Variants in KRTCAP3 observed in about 807,000 individuals in gnomAD.
The protein encoded by KRTCAP3 is keratinocyte associated protein 3.
In KRTCAP3, 18 loss-of-function variants were observed where a neutral mutation model predicts 20.5. The observed-to-expected ratio is 0.88, with a 90% CI of 0.61 to 1.31. The LOEUF (loss-of-function observed/expected upper bound fraction) is 1.31. Ranked by LOEUF, KRTCAP3 falls within the 50% of genes most tolerant of loss-of-function variation. The probability of loss-of-function intolerance (pLI) is 0.00; values close to 1 mark genes in which losing one functional copy is unlikely to be tolerated. For synonymous variants in KRTCAP3, 167 were observed against 133.7 expected, an observed-to-expected ratio of 1.25 and a Z score of -1.72; for missense variants, 347 against 310.4, an observed-to-expected ratio of 1.12 and a Z score of -0.89.
At chr2:27,444,083 G>A (rs1664804215) in intron 6 of KRTCAP3, 22 bp downstream of exon 6, 1 of 1,399,474 alleles carries the variant, frequency 7.1e-7, no homozygotes. Context: ...TGAAGGTGGT[G>A]GCCCGGGTAA....
In KRTCAP3 at chr2:27,443,234, AG is replaced by A. The variant is rs1664731421; in HGVS notation, c.438del (p.Pro147ArgfsTer60). 6.2e-7 allele frequency: 1 copy of A among 1,614,160 alleles called. No homozygotes were observed. The highest frequency in any genetic ancestry group is 8.5e-7 in the Non-Finnish European group (1 of 1,180,018). ...CTGGATCCTCTGGTACCACTGGATG[AG>A]GGGCCGGGACATACTGACTGCCCCT... ...GLLDPLVPLD[E>X]GPGHTDCPFD... On this transcript the variant is annotated frameshift_variant, in exon 4 of 7. Coordinates refer to ENST00000288873, the MANE Select transcript of KRTCAP3 (RefSeq NM_173853.4). LOFTEE classifies it high-confidence loss of function.
Position 27,443,249 on chromosome 2 carries a change from C to G in KRTCAP3, c.449C>G (p.Thr150Ser). The G allele has an allele frequency of 6.2e-7, 1 of 1,614,202 alleles. No homozygotes were observed. The highest frequency in any genetic ancestry group is 1.1e-5 in the South Asian group (1 of 91,084). ...LVPLDEGPGH[T>S]DCPFDPTRIY... The stretch of plus-strand genomic sequence containing the variant: ...CCACTGGATGAGGGGCCGGGACATA[C>G]TGACTGCCCCTTTGACCCCACAAGA... Residue 150 changes from threonine to serine, a missense_variant, in exon 4 of 7, where the codon ACT becomes AGT. Physicochemically the swap from Thr to Ser is moderately conservative, Grantham distance 58. Transcript: ENST00000288873.
At chr2:27,444,349 C>A (rs1664837178), downstream of KRTCAP3, 1 of 868,460 alleles carries the variant, frequency 1.2e-6, no homozygotes. Context: ...TTGGGAATGA[C>A]TTTGATCAAA....
chr2:27,444,353 G>C, downstream of KRTCAP3: 1 of 887,002 alleles, frequency 1.1e-6, no homozygotes, highest in Non-Finnish European at 1.8e-6. Context: ...GAATGACTTT[G>C]ATCAAAGAAT....
At chr2:27,444,864 G>T (rs1572705982), downstream of KRTCAP3, 22 of 801,392 alleles carry the variant, frequency 2.7e-5, no homozygotes, top group East Asian at 5.6e-4. Flanking sequence ...GGCCAGGCTG[G>T]TCTCAAACTC....
At chr2:27,445,009 C>T (rs1664926036), downstream of KRTCAP3, 2 of 1,613,782 alleles carry the variant, frequency 1.2e-6, no homozygotes, top group Middle Eastern at 1.6e-4. This position sits in a 1 kb window ranked among gnomAD's most constrained non-coding sequence, Gnocchi z 4.4. Flanking sequence ...GTCCTCCTCT[C>T]TAACCTTGAT....
rs764167859 is a variant in KRTCAP3, at chr2:27,444,252, G to A, written c.*72G>A. On this transcript the variant is annotated 3_prime_UTR_variant, in exon 7 of 7. Coordinates refer to ENST00000288873, the MANE Select transcript of KRTCAP3 (RefSeq NM_173853.4). ...CCACTAAGCAAGGGGCCCTGACCTC[G>A]GGATGAGATAACAAATTGTAATAAA... The A allele has an allele frequency of 3.1e-6, 2 of 644,092 alleles. No individual in the cohort carries two copies. Among genetic ancestry groups the A allele is most frequent in the East Asian group, 2.7e-5 (1 of 36,850 alleles). The allele number at this position is 644,092 out of a possible 1,614,324, so 39.9% of individuals were successfully genotyped here.
chr2:27,445,997 A>G (rs1487163955), downstream of KRTCAP3: 1 of 1,614,240 alleles, frequency 6.2e-7, no homozygotes, highest in Non-Finnish European at 8.5e-7. The surrounding 1 kb of genome is among the most constrained non-coding windows in gnomAD (Gnocchi z 4.4). Flanking sequence ...GCCTGCAGCA[A>G]AGAAGAGTTG....
downstream of KRTCAP3, chr2:27,445,569 ATCC>A (rs1302998263): frequency 1.5e-6 from 2 of 1,330,368 alleles, no homozygotes; most frequent in African/African-American, 1.5e-5. This position sits in a 1 kb window ranked among gnomAD's most constrained non-coding sequence, Gnocchi z 4.4. Context: ...TTAGCCACGA[ATCC>A]TCCTTGGATT....
In KRTCAP3 at chr2:27,443,400, T is replaced by A. The variant is rs1664741910; in HGVS notation, c.483T>A (p.Asp161Glu). Residue 161 changes from aspartate to glutamate, a missense_variant and splice_region_variant, in exon 5 of 7, where the codon GAT (aspartate) becomes GAA (glutamate). By Grantham distance (45) the Asp-to-Glu change is conservative. Coordinates refer to ENST00000288873, the MANE Select transcript of KRTCAP3 (RefSeq NM_173853.4). ...DCPFDPTRIYDTALALWIPSL... is the reference protein window; with the variant it reads ...DCPFDPTRIYETALALWIPSL... ...TCCCCATCCTTCTTGCTTTTCAGGA[T>A]ACAGCCTTGGCTCTCTGGATCCCTT... 6 of 1,614,232 alleles carry A rather than the reference T, an allele frequency of 3.7e-6. No homozygotes were observed. The highest frequency in any genetic ancestry group is 4.2e-6 in the Non-Finnish European group (5 of 1,180,042).
At chr2:27,445,682 T>A (rs1184760249), downstream of KRTCAP3, 12 of 1,574,302 alleles carry the variant, frequency 7.6e-6, no homozygotes, top group African/African-American at 1.4e-5. The surrounding 1 kb of genome is among the most constrained non-coding windows in gnomAD (Gnocchi z 4.4). Flanking sequence ...CACAAAGATA[T>A]TCTCCCTCCT....
chr2:27,443,870 C>T (rs567435722), intron 5 of KRTCAP3, 79 bp from the exon 6 acceptor site: 93 of 859,116 alleles, frequency 1.1e-4, no homozygotes, highest in African/African-American at 5.5e-4. Flanking sequence ...AGTGAGGCTC[C>T]GTCACAAAAA....
At chr2:27,445,851 A>G (rs371396353), downstream of KRTCAP3, 111 of 1,614,090 alleles carry the variant, frequency 6.9e-5, no homozygotes, top group Middle Eastern at 4.9e-4. This position sits in a 1 kb window ranked among gnomAD's most constrained non-coding sequence, Gnocchi z 4.4. Context: ...TGCCTGCAGT[A>G]GAGTGGGCAA....
At chr2:27,445,070 G>T (rs560831644), downstream of KRTCAP3, 1 of 1,613,972 alleles carries the variant, frequency 6.2e-7, no homozygotes, top group Admixed American at 1.7e-5. This position sits in a 1 kb window ranked among gnomAD's most constrained non-coding sequence, Gnocchi z 4.4. Context: ...TTCCCTGGCC[G>T]CTTAAATTCA....
chr2:27,445,623 A>T, downstream of KRTCAP3: 1 of 1,357,262 alleles, frequency 7.4e-7, no homozygotes, highest in Non-Finnish European at 1.0e-6. This position sits in a 1 kb window ranked among gnomAD's most constrained non-coding sequence, Gnocchi z 4.4. Context: ...TTTTGCTTCT[A>T]CTTTCACTGA....
At chr2:27,444,592 C>CCTGCGA, downstream of KRTCAP3, 1 of 1,188,710 alleles carries the variant, frequency 8.4e-7, no homozygotes. Flanking sequence ...CCATCGCAGG[C>CCTGCGA]TTCAGGGTCT....
chr2:27,442,951 A>G, intron 3 of KRTCAP3, 50 bp downstream of exon 3: 1 of 1,598,608 alleles, frequency 6.3e-7, no homozygotes, highest in East Asian at 2.2e-5. Flanking sequence ...GAGTCAGGGA[A>G]ATGGGGGCTG....
downstream of KRTCAP3, chr2:27,446,125 G>C: frequency 7.4e-7 from 1 of 1,349,808 alleles, no homozygotes; most frequent in Non-Finnish European, 1.1e-6. Context: ...AAAAATCCAG[G>C]AAGACATAGG....
At chr2:27,446,194 G>C, downstream of KRTCAP3, 1 of 1,491,930 alleles carries the variant, frequency 6.7e-7, no homozygotes, top group South Asian at 1.1e-5. Context: ...CAGAGCAGAA[G>C]GGATATTCTA....
Sources: gnomAD v4.1 joint callset for allele counts on GRCh38, gnomAD v4.1.1 for gene constraint, Gnocchi (gnomAD v3.1) non-coding constraint, MANE v1.5 for transcripts, NCBI Gene and HGNC (gene_info 2026-07-23, HGNC 2026-07-21) for gene names.